APBB2: variants seen among roughly 807,000 people sequenced by gnomAD.
APBB2 encodes the protein Fe65-like 1.
Under a neutral mutation model 82.5 loss-of-function variants are expected in APBB2, and 38 were observed. The ratio of observed to expected loss-of-function variants is 0.46; its 90% CI spans 0.36 to 0.60. The LOEUF (loss-of-function observed/expected upper bound fraction) is 0.60, where lower values mean the gene tolerates loss of function less well. APBB2 is among the 20% of genes least tolerant of loss of function. The pLI is 0.00. For missense variants in APBB2, 772 were observed against 972.3 expected (o/e 0.79, Z 2.74); for synonymous variants, 341 against 368.2 (o/e 0.93, Z 0.85).
At chr4:40,950,008 G>A (rs964313788) in intron 6 of APBB2, among the ~76,000 whole-genome samples, 2 of 152,148 alleles carry the variant, frequency 1.3e-5, no homozygotes, top group East Asian at 1.9e-4. Flanking sequence ...AACTCAGAGC[G>A]ACTCGCCTGG....
At chr4:41,198,524 A>G in intron 1 of APBB2, among the ~76,000 whole-genome samples, 1 of 152,120 alleles carries the variant, frequency 6.6e-6, no homozygotes, top group Admixed American at 6.5e-5. Context: ...TTTTAGTCCT[A>G]TTTTACAGAT....
chr4:40,970,614 A>C (rs1378700359), intron 6 of APBB2, among the ~76,000 whole-genome samples: 1 of 152,158 alleles, frequency 6.6e-6, no homozygotes, highest in Non-Finnish European at 1.5e-5. Context: ...GGCTAGACTC[A>C]GAGTAGTTCT....
intron 12 of APBB2, among the ~76,000 whole-genome samples, chr4:40,868,234 C>T (rs967544336): frequency 1.3e-5 from 2 of 152,112 alleles, no homozygotes; most frequent in African/African-American, 4.8e-5. Context: ...CAGGCTCCAC[C>T]CCAGACCTAC....
chr4:40,987,906 G>T (rs1299318091), intron 6 of APBB2, among the ~76,000 whole-genome samples: 2 of 152,124 alleles, frequency 1.3e-5, no homozygotes, highest in Admixed American at 1.3e-4. Context: ...AAGGTCCCTC[G>T]AATGCTAAGA....
rs377472042 is a variant in APBB2, at chr4:40,851,328, A to G, written c.1530-20751T>C. Among the ~76,000 whole-genome samples, 25 of 152,298 alleles carry G rather than the reference A, an allele frequency of 1.6e-4. No homozygotes were observed. The East Asian group carries it at 4.3e-3, about 26-fold the overall frequency. On this transcript the variant is annotated intron_variant, in intron 12 of 17. Transcript: ENST00000508593. ...AATTTAAATCTTACACGGATGCCCA[A>G]CATGTGAAGCGGCAGCCATGTGGAC...
chr4:41,018,211 C>T (rs1421132691), intron 5 of APBB2, among the ~76,000 whole-genome samples: 2 of 152,202 alleles, frequency 1.3e-5, no homozygotes, highest in Non-Finnish European at 2.9e-5. Context: ...TACCTCAAGC[C>T]ACCACTGACT....
chr4:41,025,764 C>T (rs964623015), intron 5 of APBB2, among the ~76,000 whole-genome samples: 15 of 149,136 alleles, frequency 1.0e-4, no homozygotes, highest in African/African-American at 3.7e-4. Flanking sequence ...ACTAAAAATA[C>T]AAAAACTAGC....
rs1039133526 is a variant in APBB2, at chr4:40,851,734, A to T, written c.1530-21157T>A. 5.2e-3 allele frequency among the ~76,000 whole-genome samples: 320 copies of T among 60,958 alleles called. 4 individuals carry two copies. Among genetic ancestry groups the T allele is most frequent in the African/African-American group, 0.022 (313 of 14,070 alleles). The allele number at this position is 60,958 out of a possible 152,430, so 40.0% of individuals were successfully genotyped here. Reference sequence around the variant, plus strand: ...TTTCTATGCATATATATATATATATATATATTTTTTTTTTTTTTTTTTTTC... The same window carrying T: ...TTTCTATGCATATATATATATATATTTATATTTTTTTTTTTTTTTTTTTTC... On this transcript the variant is annotated intron_variant, in intron 12 of 17. Transcript: ENST00000508593.
At chr4:40,872,566 G>T (rs1765800521) in intron 12 of APBB2, among the ~76,000 whole-genome samples, 1 of 152,242 alleles carries the variant, frequency 6.6e-6, no homozygotes, top group African/African-American at 2.4e-5. Context: ...CAAGCATGGT[G>T]GCAGACACAT....
At chr4:41,088,246 T>C (rs1299512861) in intron 3 of APBB2, among the ~76,000 whole-genome samples, 4 of 152,212 alleles carry the variant, frequency 2.6e-5, no homozygotes, top group East Asian at 1.9e-4. Flanking sequence ...ATCGAACTCC[T>C]GAGCTAAAGG....
At chr4:41,143,222 G>C (rs1310823452) in intron 1 of APBB2, 80 bp from the exon 2 acceptor site, 2 of 152,166 alleles carry the variant, frequency 1.3e-5, no homozygotes, top group Non-Finnish European at 2.9e-5. Context: ...ATATTTGGCA[G>C]GATAACCTCA....
chr4:40,971,484 A>G (rs1177640637), intron 6 of APBB2, among the ~76,000 whole-genome samples: 3 of 152,220 alleles, frequency 2.0e-5, no homozygotes, highest in Admixed American at 2.0e-4. Flanking sequence ...CAGAAGCAGG[A>G]GGAGCTTTCT....
chr4:41,052,149 C>T (rs1299701114), intron 4 of APBB2, among the ~76,000 whole-genome samples: 1 of 152,114 alleles, frequency 6.6e-6, no homozygotes, highest in African/African-American at 2.4e-5. Flanking sequence ...AGGAGGATCA[C>T]TGGAGGACAG....
At chr4:41,163,227 G>C (rs1230394833) in intron 1 of APBB2, among the ~76,000 whole-genome samples, 1 of 152,208 alleles carries the variant, frequency 6.6e-6, no homozygotes, top group Non-Finnish European at 1.5e-5. Context: ...AAAAGATCTG[G>C]GGGGAAAGAG....
chr4:41,087,974 T>C (rs1192381592), intron 3 of APBB2, among the ~76,000 whole-genome samples: 1 of 152,202 alleles, frequency 6.6e-6, no homozygotes, highest in African/African-American at 2.4e-5. Flanking sequence ...ACCAAGTCGG[T>C]GTTAAGAATG....
chr4:40,901,578 C>T (rs28449756), intron 10 of APBB2, among the ~76,000 whole-genome samples: 5,901 of 152,202 alleles, frequency 0.039, 369 homozygotes, highest in African/African-American at 0.13. Context: ...GGCACGATCT[C>T]GGCTCACTGC....
intron 3 of APBB2, among the ~76,000 whole-genome samples, chr4:41,071,517 C>T (rs1259277734): frequency 1.3e-5 from 2 of 152,012 alleles, no homozygotes; most frequent in East Asian, 1.9e-4. Context: ...CCCATCTCTA[C>T]TAAAAATACA....
At chr4:40,842,599 C>T (rs1040066294) in intron 12 of APBB2, 2 of 193,986 alleles carry the variant, frequency 1.0e-5, no homozygotes, top group African/African-American at 2.3e-5. Flanking sequence ...CCAAGAGATG[C>T]CAGCTGAATT....
intron 6 of APBB2, among the ~76,000 whole-genome samples, chr4:40,993,966 G>A (rs898503309): frequency 1.3e-5 from 2 of 152,050 alleles, no homozygotes; most frequent in Admixed American, 1.3e-4. Context: ...GTAAGGCACA[G>A]GTAGGGCCCA....
Sources: allele counts gnomAD v4.1 joint callset (sites outside exome capture counted in the v4.1 genomes callset), GRCh38; gene constraint gnomAD v4.1.1; transcripts MANE v1.5; gene names NCBI Gene and HGNC (gene_info 2026-07-23, HGNC 2026-07-21).